The following KLF12 variants were observed in gnomAD, a reference collection of about 807,000 sequenced individuals.
The protein encoded by KLF12 is KLF transcription factor 12, also known as Krueppel-like factor 12.
In KLF12, 9 loss-of-function variants were observed where a neutral mutation model predicts 37.8. The observed-to-expected ratio is 0.24, with a 90% confidence interval of 0.14 to 0.42. The LOEUF (loss-of-function observed/expected upper bound fraction) is 0.42. Among genes scored for constraint, KLF12 ranks in the 10% least tolerant of loss-of-function variants. The pLI is 1.00. For synonymous variants in KLF12, 208 were observed against 202.1 expected (o/e 1.03, Z -0.25); for missense variants, 411 against 516.0 (o/e 0.80, Z 1.97).
At chr13:73,778,242 T>C (rs971385070) in intron 5 of KLF12, among the ~76,000 whole-genome samples, 1 of 151,816 alleles carries the variant, frequency 6.6e-6, no homozygotes, top group African/African-American at 2.4e-5. Flanking sequence ...AAAAACTGAG[T>C]GACATAGAAT....
chr13:74,167,892 A>AAGACACTAAAGTTATCATGAGCATGTCTT, the KLF12 span, among the ~76,000 whole-genome samples: 1 of 152,236 alleles, frequency 6.6e-6, no homozygotes, highest in Non-Finnish European at 1.5e-5. Flanking sequence ...TAAAGAATGC[A>AAGACACTAAAGTTATCATGAGCATGTCTT]AGACACTAAA....
At chr13:73,827,541 C>G (rs1461495369) in intron 4 of KLF12, among the ~76,000 whole-genome samples, 1 of 152,020 alleles carries the variant, frequency 6.6e-6, no homozygotes, top group East Asian at 1.9e-4. Context: ...ATCATTTGGT[C>G]CAGAATTTTT....
chr13:73,722,692 T>C (rs1210521784), intron 6 of KLF12, among the ~76,000 whole-genome samples: 1 of 152,196 alleles, frequency 6.6e-6, no homozygotes, highest in Non-Finnish European at 1.5e-5. Flanking sequence ...TAAAAACGTT[T>C]TCACAAAATG....
intron 5 of KLF12, among the ~76,000 whole-genome samples, chr13:73,794,120 C>T (rs191671863): frequency 3.9e-5 from 6 of 152,310 alleles, no homozygotes; most frequent in Admixed American, 3.9e-4. Flanking sequence ...CTCCTCAAGC[C>T]ACCTTTGAAA....
chr13:74,171,573 A>C, the KLF12 span, among the ~76,000 whole-genome samples: 1 of 152,108 alleles, frequency 6.6e-6, no homozygotes, highest in Non-Finnish European at 1.5e-5. Flanking sequence ...CTCAGCATGA[A>C]TTTTTCTCTT....
At chr13:73,951,421 G>T (rs924345291) in intron 2 of KLF12, among the ~76,000 whole-genome samples, 1 of 152,126 alleles carries the variant, frequency 6.6e-6, no homozygotes, top group Non-Finnish European at 1.5e-5. Flanking sequence ...CCAAGATTAT[G>T]AAAATGACAA....
At chr13:74,007,371 G>A (rs916136869) in intron 1 of KLF12, among the ~76,000 whole-genome samples, 4 of 151,416 alleles carry the variant, frequency 2.6e-5, no homozygotes, top group East Asian at 3.9e-4. Context: ...CATCCCCCCC[G>A]GGTTCACGTC....
chr13:73,781,316 T>G (rs781733314), intron 5 of KLF12, among the ~76,000 whole-genome samples: 1 of 152,238 alleles, frequency 6.6e-6, no homozygotes, highest in Non-Finnish European at 1.5e-5. Flanking sequence ...CCTTGTGATA[T>G]TCACTTTATT....
Position 73,695,464 on chromosome 13 carries a change from A to C in KLF12, c.*26T>G, listed in dbSNP as rs1327894026. The C allele has an allele frequency of 6.2e-7, 1 of 1,608,336 alleles. No homozygotes were observed. Among genetic ancestry groups the C allele is most frequent in the Non-Finnish European group, 8.5e-7 (1 of 1,176,052 alleles). Reference sequence around the variant, plus strand: ...GGTGCCGCTAAGAGATCCAGCTCTTACGCTCAGCTGGACAGGTAGCATTCC... The same window carrying C: ...GGTGCCGCTAAGAGATCCAGCTCTTCCGCTCAGCTGGACAGGTAGCATTCC... On this transcript the variant is annotated 3_prime_UTR_variant, in exon 8 of 8. Coordinates refer to ENST00000377669, the MANE Select transcript of KLF12 (RefSeq NM_007249.5).
the KLF12 span, chr13:74,259,895 A>C: frequency 6.6e-6 from 1 of 152,206 alleles, no homozygotes; most frequent in Non-Finnish European, 1.5e-5. Flanking sequence ...GACCTGGCCT[A>C]CTGGTACATA....
chr13:74,183,491 T>G, the KLF12 span, among the ~76,000 whole-genome samples: 1 of 152,166 alleles, frequency 6.6e-6, no homozygotes, highest in Non-Finnish European at 1.5e-5. Flanking sequence ...AGAAAACACT[T>G]TAATGTTCTT....
chr13:73,725,295 T>C (rs1309097549), intron 6 of KLF12, among the ~76,000 whole-genome samples: 1 of 151,788 alleles, frequency 6.6e-6, no homozygotes, highest in Non-Finnish European at 1.5e-5. Flanking sequence ...GAGACGGGGG[T>C]TTCACCATGT....
At chr13:74,093,967 C>CAAAA (rs59531736) in intron 1 of KLF12, among the ~76,000 whole-genome samples, 2 of 122,540 alleles carry the variant, frequency 1.6e-5, no homozygotes, top group Non-Finnish European at 3.7e-5. Flanking sequence ...CAGTAAAATG[C>CAAAA]AAAAAAAAAA....
At chr13:73,885,410 C>A (rs964248285) in intron 3 of KLF12, among the ~76,000 whole-genome samples, 1 of 152,208 alleles carries the variant, frequency 6.6e-6, no homozygotes. Flanking sequence ...ATTACTTCAT[C>A]CCTAATATCA....
At chr13:74,250,717 T>A in the KLF12 span, among the ~76,000 whole-genome samples, 31,351 of 152,016 alleles carry the variant, frequency 0.21, 5,394 homozygotes, top group African/African-American at 0.47. Flanking sequence ...AGATCAAGGC[T>A]GTTTAGGAAG....
At chr13:73,728,533 T>C (rs1230708630) in intron 6 of KLF12, among the ~76,000 whole-genome samples, 2 of 152,232 alleles carry the variant, frequency 1.3e-5, no homozygotes, top group African/African-American at 2.4e-5. Context: ...GTGCTCAGTC[T>C]TCTACCATTA....
intron 5 of KLF12, among the ~76,000 whole-genome samples, chr13:73,807,238 G>A (rs1478348072): frequency 2.0e-5 from 3 of 152,126 alleles, no homozygotes; most frequent in East Asian, 1.9e-4. Flanking sequence ...GAACCCAGGA[G>A]GTGGAGGTTG....
chr13:74,281,793 A>G, the KLF12 span, among the ~76,000 whole-genome samples: 2 of 152,196 alleles, frequency 1.3e-5, no homozygotes, highest in Non-Finnish European at 2.9e-5. Flanking sequence ...TTCTTGCACA[A>G]TAATTCAATA....
chr13:74,060,619 G>A (rs1360348170), intron 1 of KLF12, among the ~76,000 whole-genome samples: 1 of 151,680 alleles, frequency 6.6e-6, no homozygotes, highest in Non-Finnish European at 1.5e-5. Context: ...CACTGGTTTT[G>A]TATCCTACAA....
Sources: gnomAD v4.1 joint callset for allele counts (sites outside exome capture counted in the v4.1 genomes callset) on GRCh38, gnomAD v4.1.1 for gene constraint, MANE v1.5 for transcripts, NCBI Gene and HGNC (gene_info 2026-07-23, HGNC 2026-07-21) for gene names.